Variants in ABCC5 observed in about 807,000 individuals in gnomAD.
ABCC5 encodes ATP binding cassette subfamily C member 5.
In ABCC5, 61 loss-of-function variants were observed where a neutral mutation model predicts 160.9. That is an observed-to-expected ratio of 0.38 (90% CI 0.31 to 0.47). The LOEUF is 0.47. Ranked by LOEUF, ABCC5 falls within the 20% of genes least tolerant of loss-of-function variation. The pLI is 0.99. For missense variants in ABCC5, 1,308 were observed against 1,813.3 expected (o/e 0.72, Z 5.06); for synonymous variants, 666 against 700.6 (o/e 0.95, Z 0.78).
chr3:183,982,489 G>A lies in ABCC5; in HGVS notation c.961C>T (p.Leu321=). 6.2e-7 allele frequency: 1 copy of A among 1,614,106 alleles called. No homozygotes were observed. Among genetic ancestry groups the A allele is most frequent in the Non-Finnish European group, 8.5e-7 (1 of 1,179,986 alleles). ...NVIILGPTGF[L]GSAVFILFYP... ...AAGAGGATAAAAACAGCTGATCCCA[G>A]GAAGCCTGTTGGTCCCAGAATAATT... Residue 321 remains leucine (L), a synonymous_variant, in exon 7 of 30, where the codon CTG becomes TTG. Coordinates refer to ENST00000334444, the MANE Select transcript of ABCC5 (RefSeq NM_005688.4). The surrounding 1 kb of genome is among the most constrained non-coding windows in gnomAD (Gnocchi z 5.2).
Position 183,988,575 on chromosome 3 carries a change from C to T in ABCC5, c.440G>A (p.Arg147Lys), listed in dbSNP as rs551562306. 1 of 1,612,814 alleles carries T rather than the reference C, an allele frequency of 6.2e-7. No homozygotes were observed. Among genetic ancestry groups the T allele is most frequent in the East Asian group, 2.2e-5 (1 of 44,886 alleles). Residue 147 changes from arginine to lysine, a missense_variant, in exon 4 of 30, where the codon AGA becomes AAA. This residue lies in a region of ABCC5 where 1,142 missense variants were observed against 1,527.1 expected (regional missense o/e 0.75). Transcript: ENST00000334444. The surrounding 1 kb of genome is among the most constrained non-coding windows in gnomAD (Gnocchi z 4.4). ...AGGGTGGACCAGAGGCGCCTACCTT[C>T]TGCAGTTCACGTCAGAAGACTCGTG... ...SKHESSDVNC[R>K]RLERLWQEEL...
chr3:183,942,185 A>G (rs1560479597), intron 25 of ABCC5, among the ~76,000 whole-genome samples: 1 of 151,912 alleles, frequency 6.6e-6, no homozygotes, highest in Non-Finnish European at 1.5e-5. Flanking sequence ...GATTACAAGC[A>G]TGTGCCACCA....
At chr3:183,933,908 G>A (rs973681955) in intron 26 of ABCC5, among the ~76,000 whole-genome samples, 21 of 152,160 alleles carry the variant, frequency 1.4e-4, no homozygotes, top group African/African-American at 5.1e-4. Flanking sequence ...GTGGAGGCGC[G>A]GTTTCCAGAT....
chr3:183,924,545 AT>A (rs1361636989), intron 29 of ABCC5, among the ~76,000 whole-genome samples: 2 of 152,360 alleles, frequency 1.3e-5, no homozygotes, highest in African/African-American at 4.8e-5. Context: ...GTTACCCATT[AT>A]AAATGGCTTG....
In ABCC5 at chr3:184,012,820, A is replaced by G. The variant is rs1721870102; in HGVS notation, c.129+1444T>C. Among the ~76,000 whole-genome samples the G allele has an allele frequency of 2.0e-5, 3 of 152,246 alleles. No homozygotes were observed. In the South Asian group the frequency reaches 6.2e-4, roughly 32 times the overall value. On this transcript the variant is annotated intron_variant, in intron 2 of 29. Transcript: ENST00000334444. ...TGAAGTTAAACCTGAATGGAAAAGC[A>G]TTCTATAATACACAGTAGGGTACAG...
intron 18 of ABCC5, 120 bp from the exon 19 acceptor site, chr3:183,952,123 T>G (rs1443473136): frequency 3.4e-6 from 3 of 875,784 alleles, no homozygotes; most frequent in Non-Finnish European, 5.0e-6. Context: ...CCCTGGGACC[T>G]GGTCATGGCT....
intron 26 of ABCC5, among the ~76,000 whole-genome samples, chr3:183,929,195 G>T (rs1308742478): frequency 6.6e-6 from 1 of 152,162 alleles, no homozygotes; most frequent in Non-Finnish European, 1.5e-5. Flanking sequence ...CACTTTGGGA[G>T]GCCGAGGCGG....
At chr3:183,975,149 G>C (rs780273902) in intron 10 of ABCC5, among the ~76,000 whole-genome samples, 5 of 152,084 alleles carry the variant, frequency 3.3e-5, no homozygotes, top group African/African-American at 7.2e-5. Flanking sequence ...TTTTCAAAAG[G>C]CTGCCTTAGA....
intron 1 of ABCC5, among the ~76,000 whole-genome samples, chr3:184,016,816 G>A (rs184091045): frequency 2.6e-5 from 4 of 152,268 alleles, no homozygotes; most frequent in Non-Finnish European, 5.9e-5. Flanking sequence ...TCTTTCCACT[G>A]ATAAAAGTGT....
At chr3:183,956,326 T>C (rs1715952334) in intron 17 of ABCC5, among the ~76,000 whole-genome samples, 1 of 151,594 alleles carries the variant, frequency 6.6e-6, no homozygotes, top group Non-Finnish European at 1.5e-5. Flanking sequence ...GTAAATCACA[T>C]CGGTTACATG....
chr3:183,950,205 C>T, intron 20 of ABCC5, 80 bp from the exon 21 acceptor site: 1 of 1,445,412 alleles, frequency 6.9e-7, no homozygotes. Flanking sequence ...AAAAGGGGTT[C>T]CACAAACTCT....
At chr3:184,006,522 A>G (rs1721225363) in intron 2 of ABCC5, 1 of 152,250 alleles carries the variant, frequency 6.6e-6, no homozygotes, top group Admixed American at 6.5e-5. Context: ...CTTAGTCTGT[A>G]AAGAAAAGCT....
At chr3:183,992,702 C>T (rs1347189637) in intron 2 of ABCC5, among the ~76,000 whole-genome samples, 2 of 151,812 alleles carry the variant, frequency 1.3e-5, no homozygotes, top group Admixed American at 6.6e-5. Flanking sequence ...AGCAGGAGAA[C>T]GGTGTGAACC....
At chr3:183,994,687 T>C (rs1184439237) in intron 2 of ABCC5, among the ~76,000 whole-genome samples, 2 of 152,114 alleles carry the variant, frequency 1.3e-5, no homozygotes, top group East Asian at 1.9e-4. Flanking sequence ...ATTGGCATTA[T>C]ATTTTATTTT....
intron 25 of ABCC5, among the ~76,000 whole-genome samples, chr3:183,939,160 C>T (rs370044627): frequency 1.3e-5 from 2 of 152,196 alleles, no homozygotes; most frequent in East Asian, 1.9e-4. Context: ...TGGCCGGGCA[C>T]GGTGGCTCAT....
Position 183,951,110 on chromosome 3 carries a change from T to G in ABCC5, c.2944+331A>C, listed in dbSNP as rs1392786456. 6.6e-6 allele frequency among the ~76,000 whole-genome samples: 1 copy of G among 152,164 alleles called. No individual in the cohort carries two copies. Among genetic ancestry groups the G allele is most frequent in the Admixed American group, 6.5e-5 (1 of 15,278 alleles). ...ACTCTGAACTGTGGGGGTACAGTAT[T>G]TCAGTTCTGGTGCAGGCACAGCCCA... On this transcript the variant is annotated intron_variant, in intron 20 of 29. Transcript: ENST00000334444. This position sits in a 1 kb window ranked among gnomAD's most constrained non-coding sequence, Gnocchi z 4.7.
intron 5 of ABCC5, chr3:183,984,128 G>C (rs1200183613): frequency 3.0e-6 from 3 of 985,262 alleles, no homozygotes; most frequent in Non-Finnish European, 3.6e-6. Context: ...GCTCCCCAAA[G>C]AGGTACTCTG....
chr3:183,951,661 AGCG>A lies in ABCC5; in HGVS notation c.2815-94_2815-92del, dbSNP rs1715362167. 1 of 1,546,348 alleles carries A rather than the reference AGCG, an allele frequency of 6.5e-7. No homozygotes were observed. On this transcript the variant is annotated intron_variant, in intron 19 of 29. Coordinates refer to ENST00000334444, the MANE Select transcript of ABCC5 (RefSeq NM_005688.4). The surrounding 1 kb of genome is among the most constrained non-coding windows in gnomAD (Gnocchi z 4.7). The stretch of plus-strand genomic sequence containing the variant: ...CGCTCCGCAGCACATCCACTCCCAA[AGCG>A]GGGAGGTGTGAGGGGTCAGGAGGGA...
chr3:183,956,674 C>A (rs1217621063), intron 17 of ABCC5, among the ~76,000 whole-genome samples: 1 of 121,300 alleles, frequency 8.2e-6, no homozygotes, highest in Non-Finnish European at 1.7e-5. Context: ...GTGTGTATAT[C>A]ATATAGGTTA....
Sources: allele counts gnomAD v4.1 joint callset (sites outside exome capture counted in the v4.1 genomes callset), GRCh38; gene constraint gnomAD v4.1.1; regional missense constraint gnomAD v4.1.1; non-coding constraint Gnocchi (gnomAD v3.1); transcripts MANE v1.5; gene names NCBI Gene and HGNC (gene_info 2026-07-23, HGNC 2026-07-21).